The following PCDHGA3 variants were observed in gnomAD, a reference collection of about 807,000 sequenced individuals.
The protein encoded by PCDHGA3 is protocadherin gamma-A3.
A neutral mutation model predicts 58.5 loss-of-function variants in PCDHGA3; 40 were observed. That is an observed-to-expected ratio of 0.68 (90% CI 0.53 to 0.89). PCDHGA3 has a LOEUF of 0.89. Among genes scored for constraint, PCDHGA3 ranks in the 40% least tolerant of loss-of-function variants. PCDHGA3 has a pLI of 0.00. For missense variants in PCDHGA3, 1,223 were observed against 1,195.9 expected, an observed-to-expected ratio of 1.02 and a Z score of -0.33; for synonymous variants, 530 against 525.7, an observed-to-expected ratio of 1.01 and a Z score of -0.11.
chr5:141,485,737 C>T lies in PCDHGA3; in HGVS notation c.2425-9070C>T. On this transcript the variant is annotated intron_variant, in intron 1 of 3. Coordinates refer to ENST00000253812, the MANE Select transcript of PCDHGA3 (RefSeq NM_018916.4). The surrounding 1 kb of genome is among the most constrained non-coding windows in gnomAD (Gnocchi z 5.7). ...TGGATGTGAAGAAGCGCAGCGACGGCAGCCTGGTCCCAGAGCTGCTCCTGG... is the reference window on the plus strand; with the variant it reads ...TGGATGTGAAGAAGCGCAGCGACGGTAGCCTGGTCCCAGAGCTGCTCCTGG... 6.2e-7 allele frequency: 1 copy of T among 1,614,222 alleles called. No individual in the cohort carries two copies. Among genetic ancestry groups the T allele is most frequent in the Non-Finnish European group, 8.5e-7 (1 of 1,180,036 alleles).
chr5:141,409,447 A>C, intron 1 of PCDHGA3: 1 of 1,614,008 alleles, frequency 6.2e-7, no homozygotes, highest in Non-Finnish European at 8.5e-7. Context: ...GAGAGCAGAC[A>C]CCAGAATACA....
intron 1 of PCDHGA3, among the ~76,000 whole-genome samples, chr5:141,424,873 A>G (rs549945556): frequency 3.9e-5 from 6 of 152,198 alleles, no homozygotes; most frequent in Non-Finnish European, 8.8e-5. Context: ...CAAATGAGGA[A>G]AGGAGACTTA....
Position 141,344,127 on chromosome 5 carries a change from C to A in PCDHGA3, c.94C>A (p.Arg32Ser), listed in dbSNP as rs780910092. The A allele has an allele frequency of 1.9e-6, 3 of 1,614,022 alleles. No homozygotes were observed. Among genetic ancestry groups the A allele is most frequent in the East Asian group, 2.2e-5 (1 of 44,884 alleles). ...TLCETGSGQIRYSVSEELDKG... is the reference protein window; with the variant it reads ...TLCETGSGQISYSVSEELDKG... ...GTGCGAAACAGGATCCGGTCAGATC[C>A]GCTACTCGGTGTCTGAGGAGCTAGA... Residue 32 changes from arginine (R) to serine (S), a missense_variant, in exon 1 of 4, where the codon CGC (arginine) becomes AGC (serine). Transcript: ENST00000253812.
chr5:141,344,146 A>C lies in PCDHGA3; in HGVS notation c.113A>C (p.Glu38Ala). Residue 38 changes from glutamate to alanine, a missense_variant, in exon 1 of 4, where the codon GAG becomes GCG. This residue lies in a region of PCDHGA3 where 791 missense variants were observed against 708.5 expected (regional missense o/e 1.12). Coordinates refer to ENST00000253812, the MANE Select transcript of PCDHGA3 (RefSeq NM_018916.4). ...SGQIRYSVSE[E>A]LDKGSFVGNI... ...CAGATCCGCTACTCGGTGTCTGAGGAGCTAGATAAAGGTTCCTTCGTGGGC... is the reference window on the plus strand; with the variant it reads ...CAGATCCGCTACTCGGTGTCTGAGGCGCTAGATAAAGGTTCCTTCGTGGGC... 4 of 1,614,008 alleles carry C rather than the reference A, an allele frequency of 2.5e-6. No homozygotes were observed. The highest frequency in any genetic ancestry group is 3.4e-6 in the Non-Finnish European group (4 of 1,179,896).
At chr5:141,446,128 G>T (rs1242643475) in intron 1 of PCDHGA3, among the ~76,000 whole-genome samples, 1 of 152,188 alleles carries the variant, frequency 6.6e-6, no homozygotes, top group Admixed American at 6.5e-5. Context: ...GGTTCAATAA[G>T]ACTTAATAAT....
chr5:141,381,826 CTTTTT>C lies in PCDHGA3; in HGVS notation c.2424+35387_2424+35391del, dbSNP rs770630741. Among the ~76,000 whole-genome samples, 483 of 74,304 alleles carry C rather than the reference CTTTTT, an allele frequency of 6.5e-3. 2 individuals are homozygous for C. The highest frequency in any genetic ancestry group is 0.026 in the African/African-American group (418 of 16,208). 48.7% of individuals were successfully genotyped at this position (74,304 alleles called of 152,430 possible). On this transcript the variant is annotated intron_variant, in intron 1 of 3. Coordinates refer to ENST00000253812, the MANE Select transcript of PCDHGA3 (RefSeq NM_018916.4). ...TTTCTTTCTTTCTTTCTTTCTTCTT[CTTTTT>C]TTTTTTTTTTTTTTTTTGGCAGAGT...
intron 1 of PCDHGA3, chr5:141,408,623 G>T: frequency 6.2e-7 from 1 of 1,614,004 alleles, no homozygotes; most frequent in Non-Finnish European, 8.5e-7. Context: ...AATACATTTA[G>T]AAATTTTCGA....
intron 1 of PCDHGA3, chr5:141,400,151 C>T: frequency 6.2e-7 from 1 of 1,614,086 alleles, no homozygotes; most frequent in Non-Finnish European, 8.5e-7. Context: ...ACTGACCGCC[C>T]TGTACCCTCT....
intron 1 of PCDHGA3, chr5:141,398,887 A>T: frequency 6.2e-7 from 1 of 1,613,976 alleles, no homozygotes; most frequent in Non-Finnish European, 8.5e-7. Context: ...CCTTCGGGAA[A>T]ACGTGCCACC....
intron 1 of PCDHGA3, chr5:141,384,572 A>G: frequency 6.2e-7 from 1 of 1,613,908 alleles, no homozygotes; most frequent in Non-Finnish European, 8.5e-7. Context: ...CAGAATGACA[A>G]CCCGCCCGAG....
intron 1 of PCDHGA3, chr5:141,356,536 A>G: frequency 6.2e-7 from 1 of 1,614,110 alleles, no homozygotes; most frequent in Non-Finnish European, 8.5e-7. Context: ...GATGGACATC[A>G]ATGACAACCC....
chr5:141,402,394 G>T (rs928311359), intron 1 of PCDHGA3, among the ~76,000 whole-genome samples: 5 of 151,852 alleles, frequency 3.3e-5, no homozygotes, highest in Non-Finnish European at 7.4e-5. Context: ...AATTACTTCA[G>T]AAAATTGTTA....
chr5:141,481,780 C>T (rs781334437), intron 1 of PCDHGA3, among the ~76,000 whole-genome samples: 3 of 152,016 alleles, frequency 2.0e-5, no homozygotes, highest in African/African-American at 7.2e-5. Flanking sequence ...GGTGAAACCC[C>T]GTCTCTACTA....
intron 1 of PCDHGA3, chr5:141,389,222 C>T (rs765730840): frequency 6.2e-7 from 1 of 1,614,072 alleles, no homozygotes; most frequent in Non-Finnish European, 8.5e-7. Flanking sequence ...TAAATGACAA[C>T]GCTCCGGTTT....
intron 1 of PCDHGA3, chr5:141,404,979 G>A (rs771576875): frequency 6.2e-7 from 1 of 1,613,994 alleles, no homozygotes; most frequent in Non-Finnish European, 8.5e-7. Context: ...GCTGACCTGG[G>A]CAGTCTTCAG....
At chr5:141,501,329 ACACAC>A (rs1562200854) in intron 2 of PCDHGA3, among the ~76,000 whole-genome samples, 2 of 148,226 alleles carry the variant, frequency 1.3e-5, no homozygotes, top group Non-Finnish European at 3.0e-5. Flanking sequence ...ACACACACAC[ACACAC>A]CCCAAACTCA....
At chr5:141,413,443 A>G (rs2095641277) in intron 1 of PCDHGA3, 1 of 1,613,986 alleles carries the variant, frequency 6.2e-7, no homozygotes, top group Admixed American at 1.7e-5. Context: ...CAGCTTGATC[A>G]CCGCGGGCAG....
intron 1 of PCDHGA3, chr5:141,394,006 T>C (rs753433160): frequency 3.1e-6 from 5 of 1,613,358 alleles, no homozygotes; most frequent in Non-Finnish European, 3.4e-6. Context: ...GAAAAGTCAA[T>C]AGGTAATTAT....
chr5:141,430,365 G>GA lies in PCDHGA3; in HGVS notation c.2425-64434dup, dbSNP rs202146484. Among the ~76,000 whole-genome samples, 583 of 147,736 alleles carry GA rather than the reference G, an allele frequency of 3.9e-3. 6 individuals are homozygous for GA. The highest frequency in any genetic ancestry group is 0.011 in the Admixed American group (169 of 14,894). On this transcript the variant is annotated intron_variant, in intron 1 of 3. Coordinates refer to ENST00000253812, the MANE Select transcript of PCDHGA3 (RefSeq NM_018916.4). ...CCAATTCATTTAAAAGCTCATTGGG[G>GA]AAAAAAAAGCTCATTGGGAAAAAAA...
Sources: allele counts gnomAD v4.1 joint callset (sites outside exome capture counted in the v4.1 genomes callset), GRCh38; gene constraint gnomAD v4.1.1; regional missense constraint gnomAD v4.1.1; non-coding constraint Gnocchi (gnomAD v3.1); transcripts MANE v1.5; gene names NCBI Gene and HGNC (gene_info 2026-07-23, HGNC 2026-07-21).